The following SUPT3H variants were observed in gnomAD, a reference collection of about 807,000 sequenced individuals.
SUPT3H encodes SPT3 homolog, SAGA and STAGA complex component.
SUPT3H carries 44 observed loss-of-function variants against 44.3 expected under a neutral mutation model. That is an observed-to-expected ratio of 0.99 (90% confidence interval 0.78 to 1.28). The LOEUF (loss-of-function observed/expected upper bound fraction) is 1.28. SUPT3H is among the 50% of genes most tolerant of loss of function. The pLI, the probability that SUPT3H is intolerant of heterozygous loss-of-function variation, is 0.00. For synonymous variants in SUPT3H, 124 were observed against 125.6 expected, an observed-to-expected ratio of 0.99 and a Z score of 0.09; for missense variants, 380 against 387.1, an observed-to-expected ratio of 0.98 and a Z score of 0.15.
intron 2 of SUPT3H, among the ~76,000 whole-genome samples, chr6:45,109,249 A>G (rs1425005597): frequency 6.6e-6 from 1 of 152,134 alleles, no homozygotes; most frequent in Non-Finnish European, 1.5e-5. Context: ...AAAGGCAAAA[A>G]TCTTTTGTTG....
intron 2 of SUPT3H, among the ~76,000 whole-genome samples, chr6:45,179,423 C>A (rs950962093): frequency 6.6e-6 from 1 of 152,052 alleles, no homozygotes; most frequent in Non-Finnish European, 1.5e-5. Flanking sequence ...GAGACACAAC[C>A]AAATAGGAGA....
At chr6:44,959,778 T>G (rs1300205481) in intron 7 of SUPT3H, among the ~76,000 whole-genome samples, 4 of 152,164 alleles carry the variant, frequency 2.6e-5, no homozygotes, top group African/African-American at 7.2e-5. Flanking sequence ...TACCAGTAAT[T>G]CCAGGGATGG....
intron 3 of SUPT3H, among the ~76,000 whole-genome samples, chr6:45,049,918 G>A (rs1204140856): frequency 3.9e-5 from 6 of 151,942 alleles, no homozygotes; most frequent in Non-Finnish European, 5.9e-5. Flanking sequence ...AATAAAATAA[G>A]AACCAAAAGA....
chr6:45,182,406 C>A (rs1007733880), intron 2 of SUPT3H, among the ~76,000 whole-genome samples: 19 of 152,226 alleles, frequency 1.2e-4, no homozygotes, highest in African/African-American at 4.3e-4. Context: ...GGATTACAGG[C>A]ACCTGCCCCC....
At position 45,212,479 on chromosome 6, in the gene SUPT3H, CTATG is replaced by C. The variant is rs1258438559; in HGVS notation, c.102-106477_102-106474del. 1.2e-3 allele frequency among the ~76,000 whole-genome samples: 174 copies of C among 139,948 alleles called. 6 individuals are homozygous for C. Among genetic ancestry groups the C allele is most frequent in the South Asian group, 4.0e-3 (17 of 4,280 alleles). 91.8% of individuals were successfully genotyped at this position (139,948 alleles called of 152,430 possible). ...GTTCTGAAACTTCCCTCCACCTCCA[CTATG>C]TGTGTGTGTGTGTGTGTGTGTGTGT... On this transcript the variant is annotated intron_variant, in intron 2 of 10. Coordinates refer to ENST00000371459, the MANE Select transcript of SUPT3H (RefSeq NM_003599.4).
intron 2 of SUPT3H, among the ~76,000 whole-genome samples, chr6:45,303,747 C>A: frequency 6.6e-6 from 1 of 150,666 alleles, no homozygotes; most frequent in Non-Finnish European, 1.5e-5. Flanking sequence ...GTAATCCCAG[C>A]ACTTTGGGAG....
chr6:45,362,670 T>C (rs1241506159), intron 2 of SUPT3H, among the ~76,000 whole-genome samples: 1 of 152,190 alleles, frequency 6.6e-6, no homozygotes, highest in African/African-American at 2.4e-5. Flanking sequence ...AATGTAACTA[T>C]TAGGAGTGGC....
intron 10 of SUPT3H, among the ~76,000 whole-genome samples, chr6:44,833,000 T>TTTC (rs1423036609): frequency 6.6e-6 from 1 of 152,118 alleles, no homozygotes; most frequent in African/African-American, 2.4e-5. Flanking sequence ...GATTAATATT[T>TTTC]TTCTTAAAAG....
At chr6:45,214,822 A>G (rs1432762089) in intron 2 of SUPT3H, among the ~76,000 whole-genome samples, 4 of 152,148 alleles carry the variant, frequency 2.6e-5, no homozygotes, top group Admixed American at 2.6e-4. Context: ...GCACTCCAAA[A>G]TAGGTAACAG....
chr6:45,333,221 TTAA>T (rs1218885559), intron 2 of SUPT3H, among the ~76,000 whole-genome samples: 1 of 151,688 alleles, frequency 6.6e-6, no homozygotes, highest in Admixed American at 6.6e-5. Context: ...TATTTTTTGA[TTAA>T]TGTGTTACGA....
intron 2 of SUPT3H, among the ~76,000 whole-genome samples, chr6:45,228,473 A>C (rs1328726961): frequency 6.6e-6 from 1 of 150,854 alleles, no homozygotes; most frequent in Non-Finnish European, 1.5e-5. Context: ...TTTCCTGGTT[A>C]TATAGGAGCT....
intron 10 of SUPT3H, among the ~76,000 whole-genome samples, chr6:44,864,397 G>GC (rs1197705308): frequency 1.3e-5 from 2 of 152,182 alleles, no homozygotes; most frequent in Non-Finnish European, 2.9e-5. Flanking sequence ...ACTAGGTGAT[G>GC]CCCCAGTAGG....
At chr6:45,318,585 C>T (rs958408577) in intron 2 of SUPT3H, among the ~76,000 whole-genome samples, 1 of 152,006 alleles carries the variant, frequency 6.6e-6, no homozygotes, top group African/African-American at 2.4e-5. Context: ...TAAAACTGCA[C>T]TGAAAAATAA....
chr6:45,184,671 A>G (rs1010565189), intron 2 of SUPT3H, among the ~76,000 whole-genome samples: 1 of 151,496 alleles, frequency 6.6e-6, no homozygotes, highest in Non-Finnish European at 1.5e-5. Flanking sequence ...TCACTATTTG[A>G]TAAATAACAT....
chr6:44,985,344 C>T (rs893997585), intron 6 of SUPT3H, among the ~76,000 whole-genome samples: 3 of 151,928 alleles, frequency 2.0e-5, no homozygotes, highest in South Asian at 2.1e-4. Flanking sequence ...CAGTGTGCTA[C>T]GATGGCACCA....
chr6:45,223,028 G>A (rs1766319344), intron 2 of SUPT3H, among the ~76,000 whole-genome samples: 1 of 152,074 alleles, frequency 6.6e-6, no homozygotes, highest in African/African-American at 2.4e-5. Context: ...TTTGCCATGG[G>A]ATAGGGAAAG....
chr6:45,244,226 G>GT (rs1405401979), intron 2 of SUPT3H, among the ~76,000 whole-genome samples: 1 of 152,004 alleles, frequency 6.6e-6, no homozygotes, highest in Non-Finnish European at 1.5e-5. Context: ...CACGGCCTCC[G>GT]TAATTCACCT....
chr6:44,892,634 A>G (rs1210078898), intron 10 of SUPT3H, among the ~76,000 whole-genome samples: 1 of 152,200 alleles, frequency 6.6e-6, no homozygotes, highest in Non-Finnish European at 1.5e-5. Context: ...CAGAATTTGA[A>G]TGATGGAATA....
intron 9 of SUPT3H, among the ~76,000 whole-genome samples, chr6:44,950,606 T>C (rs115742004): frequency 0.02 from 3,020 of 152,122 alleles, 57 homozygotes; most frequent in South Asian, 0.092. Flanking sequence ...CTGGGCAACA[T>C]AGAAAATCTA....
Sources: allele counts gnomAD v4.1 joint callset (sites outside exome capture counted in the v4.1 genomes callset), GRCh38; gene constraint gnomAD v4.1.1; transcripts MANE v1.5; gene names NCBI Gene and HGNC (gene_info 2026-07-23, HGNC 2026-07-21).